SH3KBP1: variants seen among roughly 807,000 people sequenced by gnomAD.
The protein encoded by SH3KBP1 is SH3 domain-containing kinase-binding protein 1.
In SH3KBP1, 8 loss-of-function variants were observed where a neutral mutation model predicts 50.1. The ratio of observed to expected loss-of-function variants is 0.16; its 90% confidence interval spans 0.09 to 0.29. The LOEUF (loss-of-function observed/expected upper bound fraction) is 0.29. SH3KBP1 is among the 10% of genes least tolerant of loss of function. The pLI is 1.00. For synonymous variants in SH3KBP1, 227 were observed against 218.6 expected, an observed-to-expected ratio of 1.04 and a Z score of -0.34; for missense variants, 377 against 535.2, an observed-to-expected ratio of 0.70 and a Z score of 2.92.
chrX:19,787,083 C>T (rs2066371870), intron 2 of SH3KBP1, among the ~76,000 whole-genome samples: 1 of 111,647 alleles, frequency 9.0e-6, no homozygotes, highest in African/African-American at 3.3e-5. Context: ...GGTATTCTCC[C>T]TCCTCTCCTG....
intron 12 of SH3KBP1, among the ~76,000 whole-genome samples, chrX:19,580,861 G>C (rs1014178584): frequency 1.8e-5 from 2 of 111,164 alleles, no homozygotes; most frequent in African/African-American, 6.6e-5. Flanking sequence ...CCTGTTCTCC[G>C]TAATCTCCTG....
chrX:19,811,059 C>CT (rs1009500237), intron 2 of SH3KBP1, among the ~76,000 whole-genome samples: 2 of 112,090 alleles, frequency 1.8e-5, no homozygotes, highest in Admixed American at 9.5e-5. Flanking sequence ...GCTGAAACTA[C>CT]TTTCATAGGG....
chrX:19,819,196 T>C (rs1370281803), intron 2 of SH3KBP1, among the ~76,000 whole-genome samples: 1 of 112,182 alleles, frequency 8.9e-6, no homozygotes, highest in Non-Finnish European at 1.9e-5. Flanking sequence ...TGTATGTACA[T>C]ATAATTTAGT....
chrX:19,850,769 G>A lies in SH3KBP1; in HGVS notation c.5-14487C>T, dbSNP rs768655923. ...TAACTCTCTGAGAACTGGCCCTTTCGTCAGGGTGCAGCAAACTTCCACAGG... is the reference window on the plus strand; with the variant it reads ...TAACTCTCTGAGAACTGGCCCTTTCATCAGGGTGCAGCAAACTTCCACAGG... On this transcript the variant is annotated intron_variant, in intron 1 of 17. Transcript: ENST00000397821. 4.5e-5 allele frequency among the ~76,000 whole-genome samples: 5 copies of A among 110,642 alleles called. No homozygotes were observed. The South Asian group carries it at 1.5e-3, about 34-fold the overall frequency.
intron 14 of SH3KBP1, among the ~76,000 whole-genome samples, chrX:19,549,483 T>C (rs1224507252): frequency 8.9e-6 from 1 of 111,855 alleles, no homozygotes; most frequent in Non-Finnish European, 1.9e-5. Context: ...GTGCCTCATA[T>C]GTTTGAAAAC....
chrX:19,678,465 T>C (rs58917208), intron 6 of SH3KBP1, among the ~76,000 whole-genome samples: 1,774 of 108,594 alleles, frequency 0.016, 35 homozygotes, highest in African/African-American at 0.056. Context: ...ATAGGCAGCA[T>C]AGAATGGGCA....
intron 2 of SH3KBP1, among the ~76,000 whole-genome samples, chrX:19,772,266 C>T (rs1031144644): frequency 1.8e-5 from 2 of 111,502 alleles, no homozygotes; most frequent in Non-Finnish European, 3.8e-5. Flanking sequence ...AGAGTCTGTT[C>T]ATCTTCTGGG....
In SH3KBP1 at chrX:19,869,873, T is replaced by C. The variant is rs948354545; in HGVS notation, c.4+17434A>G. ...ACAACACTTTGGAAATCCAGCAACT[T>C]AAAACCCAGCAAAACCACTCCTTGC... On this transcript the variant is annotated intron_variant, in intron 1 of 17. Transcript: ENST00000397821. Among the ~76,000 whole-genome samples the C allele has an allele frequency of 1.3e-4, 15 of 112,265 alleles. No individual in the cohort carries two copies. In the Admixed American group the frequency reaches 1.4e-3, roughly 11 times the overall value.
intron 6 of SH3KBP1, among the ~76,000 whole-genome samples, chrX:19,663,645 G>T (rs1022207645): frequency 8.9e-6 from 1 of 111,767 alleles, no homozygotes; most frequent in East Asian, 2.8e-4. Context: ...AGACATATAG[G>T]TTTCGGTTGG....
intron 2 of SH3KBP1, among the ~76,000 whole-genome samples, chrX:19,826,706 A>G (rs1215696412): frequency 9.4e-6 from 1 of 106,233 alleles, no homozygotes; most frequent in East Asian, 2.9e-4. Context: ...ATAACATAAC[A>G]TAACATAACA....
chrX:19,811,786 A>G (rs2067215113), intron 2 of SH3KBP1, among the ~76,000 whole-genome samples: 1 of 111,790 alleles, frequency 8.9e-6, no homozygotes, highest in African/African-American at 3.3e-5. Flanking sequence ...CAACCCCAAG[A>G]GCTTCAGCAT....
At chrX:19,678,814 T>A (rs910854690) in intron 6 of SH3KBP1, among the ~76,000 whole-genome samples, 2 of 111,273 alleles carry the variant, frequency 1.8e-5, no homozygotes, top group African/African-American at 6.5e-5. Flanking sequence ...TGGAATACTT[T>A]CGCTAAACCA....
At chrX:19,835,274 C>G (rs369562154) in intron 2 of SH3KBP1, among the ~76,000 whole-genome samples, 12 of 110,669 alleles carry the variant, frequency 1.1e-4, no homozygotes, top group African/African-American at 3.9e-4. Context: ...GCTGAGAATA[C>G]AGGTGCACAC....
chrX:19,672,330 T>C (rs947030399), intron 6 of SH3KBP1, among the ~76,000 whole-genome samples: 5 of 111,817 alleles, frequency 4.5e-5, no homozygotes, highest in African/African-American at 1.6e-4. Flanking sequence ...AACTCCCCAC[T>C]CTTTAAGTGG....
chrX:19,840,883 T>C (rs1184593208), intron 1 of SH3KBP1, among the ~76,000 whole-genome samples: 1 of 112,127 alleles, frequency 8.9e-6, no homozygotes, highest in East Asian at 2.8e-4. Flanking sequence ...CCTCCAGCTG[T>C]GTGCTGTGCC....
At chrX:19,838,664 G>A (rs1171157496) in intron 1 of SH3KBP1, among the ~76,000 whole-genome samples, 1 of 111,037 alleles carries the variant, frequency 9.0e-6, no homozygotes, top group Admixed American at 9.6e-5. Flanking sequence ...CAAGGCCGGC[G>A]GATCACAAGG....
chrX:19,730,558 A>C (rs781423262), intron 3 of SH3KBP1, among the ~76,000 whole-genome samples: 70 of 111,709 alleles, frequency 6.3e-4, no homozygotes, highest in Middle Eastern at 9.3e-3. Flanking sequence ...AGGGGAGAAA[A>C]GAGCTTCTCA....
At chrX:19,559,039 G>A (rs991320878) in intron 13 of SH3KBP1, among the ~76,000 whole-genome samples, 9 of 108,830 alleles carry the variant, frequency 8.3e-5, no homozygotes, top group Non-Finnish European at 1.1e-4. Context: ...AGGTCGAGGC[G>A]GGTGGATCAC....
At chrX:19,590,374 A>G (rs1215062493) in intron 11 of SH3KBP1, among the ~76,000 whole-genome samples, 2 of 111,517 alleles carry the variant, frequency 1.8e-5, no homozygotes, top group Non-Finnish European at 3.8e-5. Context: ...GGTAGGGCTG[A>G]TTCCCTGGCT....
Sources: gnomAD v4.1 joint callset for allele counts (sites outside exome capture counted in the v4.1 genomes callset) on GRCh38, gnomAD v4.1.1 for gene constraint, MANE v1.5 for transcripts, NCBI Gene and HGNC (gene_info 2026-07-23, HGNC 2026-07-21) for gene names.